ATE1: variants seen among roughly 807,000 people sequenced by gnomAD.
The protein encoded by ATE1 is arginyl-tRNA--protein transferase 1.
Under a neutral mutation model 70.5 loss-of-function variants are expected in ATE1, and 36 were observed. The ratio of observed to expected loss-of-function variants is 0.51; its 90% CI spans 0.39 to 0.67. ATE1 has a LOEUF of 0.67. ATE1 is among the 30% of genes least tolerant of loss of function. The pLI, the probability that ATE1 is intolerant of heterozygous loss-of-function variation, is 0.00. For synonymous variants in ATE1, 232 were observed against 219.3 expected, an observed-to-expected ratio of 1.06 and a Z score of -0.51; for missense variants, 593 against 629.5, an observed-to-expected ratio of 0.94 and a Z score of 0.62.
chr10:121,872,592 G>C (rs1949900373), intron 7 of ATE1, among the ~76,000 whole-genome samples: 1 of 151,678 alleles, frequency 6.6e-6, no homozygotes, highest in South Asian at 2.1e-4. Context: ...CAGTAGAAAT[G>C]GTAATACTTT....
chr10:121,891,027 TTG>T (rs1325105294), intron 7 of ATE1, among the ~76,000 whole-genome samples: 6 of 152,204 alleles, frequency 3.9e-5, no homozygotes, highest in Non-Finnish European at 8.8e-5. Flanking sequence ...CCCTGGTTCT[TTG>T]TCACGGTCAA....
intron 11 of ATE1, among the ~76,000 whole-genome samples, chr10:121,754,856 T>C (rs1447814364): frequency 6.6e-6 from 1 of 152,206 alleles, no homozygotes; most frequent in African/African-American, 2.4e-5. Context: ...CAGAGATGAA[T>C]TAACACTGTA....
In ATE1 at chr10:121,760,981, T is replaced by C. The variant is rs185581296; in HGVS notation, c.1379-17123A>G. ...GTGGGAGGTGTTTGGGTCATGGGGGTGGATCCCTCATTAACAGATTAATGA... is the reference window on the plus strand; with the variant it reads ...GTGGGAGGTGTTTGGGTCATGGGGGCGGATCCCTCATTAACAGATTAATGA... On this transcript the variant is annotated intron_variant, in intron 11 of 11. Transcript: ENST00000224652. Among the ~76,000 whole-genome samples, 26 of 152,152 alleles carry C rather than the reference T, an allele frequency of 1.7e-4. No individual in the cohort carries two copies. In the East Asian group the frequency reaches 5.0e-3, roughly 29 times the overall value.
At chr10:121,827,152 T>C (rs1032471122) in intron 10 of ATE1, among the ~76,000 whole-genome samples, 2 of 152,106 alleles carry the variant, frequency 1.3e-5, no homozygotes, top group Non-Finnish European at 1.5e-5. Flanking sequence ...TAGCTGGAAC[T>C]ACAGGTGTGC....
intron 10 of ATE1, among the ~76,000 whole-genome samples, chr10:121,797,864 T>C (rs2133347222): frequency 6.6e-6 from 1 of 152,332 alleles, no homozygotes; most frequent in East Asian, 1.9e-4. Flanking sequence ...ACCGTTTTAC[T>C]TCCATGGGGC....
chr10:121,752,101 G>A (rs1353982768), intron 11 of ATE1, among the ~76,000 whole-genome samples: 10 of 150,950 alleles, frequency 6.6e-5, no homozygotes, highest in Admixed American at 2.6e-4. Flanking sequence ...GGAGGCTGAG[G>A]CAGGAGAATG....
In ATE1 at chr10:121,807,984, G is replaced by T. The variant is rs371697847; in HGVS notation, c.1258-17695C>A. Among the ~76,000 whole-genome samples the T allele has an allele frequency of 8.5e-5, 13 of 152,120 alleles. 1 individual carries two copies. Among genetic ancestry groups the T allele is most frequent in the African/African-American group, 3.1e-4 (13 of 41,498 alleles). On this transcript the variant is annotated intron_variant, in intron 10 of 11. Coordinates refer to ENST00000224652, the MANE Select transcript of ATE1 (RefSeq NM_001001976.3). ...TGGCCCCCTACAGAAAAAGTTTGCC[G>T]ACTCTTACTGTAAAAAAATGTAATT...
At chr10:121,800,258 C>CA (rs1308242861) in intron 10 of ATE1, among the ~76,000 whole-genome samples, 8 of 151,724 alleles carry the variant, frequency 5.3e-5, no homozygotes, top group African/African-American at 1.2e-4. Context: ...TTTTCTCAGA[C>CA]AAAAAAAATC....
intron 2 of ATE1, among the ~76,000 whole-genome samples, chr10:121,923,139 A>G (rs1207966446): frequency 6.6e-6 from 1 of 152,084 alleles, no homozygotes; most frequent in Non-Finnish European, 1.5e-5. Flanking sequence ...ATTCCTTCAC[A>G]TTTCTCTCTT....
At chr10:121,813,319 C>T (rs1486206351) in intron 10 of ATE1, among the ~76,000 whole-genome samples, 1 of 152,188 alleles carries the variant, frequency 6.6e-6, no homozygotes, top group East Asian at 1.9e-4. Context: ...ATTTTGCCAG[C>T]TCTTTATCCC....
intron 10 of ATE1, among the ~76,000 whole-genome samples, chr10:121,835,201 T>A (rs906948484): frequency 9.9e-5 from 15 of 152,086 alleles, no homozygotes; most frequent in Admixed American, 9.8e-4. Context: ...TCAGGGGTTA[T>A]CTCCCTACAA....
chr10:121,794,141 G>A (rs1218523852), intron 10 of ATE1, among the ~76,000 whole-genome samples: 6 of 151,988 alleles, frequency 3.9e-5, no homozygotes, highest in East Asian at 1.9e-4. Context: ...GACTTTCTAC[G>A]TATCCTGTTA....
chr10:121,881,494 C>T (rs1014883744), intron 7 of ATE1, among the ~76,000 whole-genome samples: 1 of 151,928 alleles, frequency 6.6e-6, no homozygotes, highest in African/African-American at 2.4e-5. Flanking sequence ...AAGAAATACA[C>T]GTATTTTAAT....
intron 8 of ATE1, among the ~76,000 whole-genome samples, chr10:121,868,479 A>G (rs369637251): frequency 2.6e-5 from 4 of 152,354 alleles, no homozygotes; most frequent in South Asian, 2.1e-4. Flanking sequence ...CCATAACTAT[A>G]GAGTGGGCTA....
At chr10:121,918,332 C>CAAA (rs1256639168) in intron 3 of ATE1, among the ~76,000 whole-genome samples, 1 of 79,820 alleles carries the variant, frequency 1.3e-5, no homozygotes, top group South Asian at 3.9e-4. Flanking sequence ...GATTCTGTCT[C>CAAA]AAAAAAAAAA....
intron 10 of ATE1, among the ~76,000 whole-genome samples, chr10:121,819,853 A>C (rs1296203098): frequency 1.3e-5 from 2 of 151,320 alleles, no homozygotes; most frequent in Non-Finnish European, 2.9e-5. Flanking sequence ...ATAAACCAAA[A>C]AAGTAAAACA....
At chr10:121,766,246 T>C (rs748455023) in intron 11 of ATE1, among the ~76,000 whole-genome samples, 8 of 152,174 alleles carry the variant, frequency 5.3e-5, no homozygotes, top group Non-Finnish European at 1.0e-4. Flanking sequence ...ATCTGCGACA[T>C]GCTTAATATT....
chr10:121,753,304 A>G (rs1253184582), intron 11 of ATE1, among the ~76,000 whole-genome samples: 1 of 152,112 alleles, frequency 6.6e-6, no homozygotes, highest in Admixed American at 6.5e-5. Context: ...CTTTTATTTC[A>G]TTTTCTTGCT....
intron 10 of ATE1, among the ~76,000 whole-genome samples, chr10:121,821,613 G>A (rs1370887959): frequency 2.6e-5 from 4 of 152,202 alleles, no homozygotes; most frequent in Non-Finnish European, 4.4e-5. Context: ...AGGCCCGGTG[G>A]CTCACGCCTG....
Sources: allele counts gnomAD v4.1 joint callset (sites outside exome capture counted in the v4.1 genomes callset), GRCh38; gene constraint gnomAD v4.1.1; transcripts MANE v1.5; gene names NCBI Gene and HGNC (gene_info 2026-07-23, HGNC 2026-07-21).